The following PLCB1 variants were observed in gnomAD, a reference collection of about 807,000 sequenced individuals.
The protein encoded by PLCB1 is 1-phosphatidylinositol 4,5-bisphosphate phosphodiesterase beta-1.
In PLCB1, 46 loss-of-function variants were observed where a neutral mutation model predicts 161.8. The ratio of observed to expected loss-of-function variants is 0.28; its 90% CI spans 0.22 to 0.36. PLCB1 has a LOEUF of 0.36. Among genes scored for constraint, PLCB1 ranks in the 10% least tolerant of loss-of-function variants. PLCB1 has a pLI of 1.00. For synonymous variants in PLCB1, 517 were observed against 503.7 expected (o/e 1.03, Z -0.35); for missense variants, 1,016 against 1,472.5 (o/e 0.69, Z 5.07).
intron 31 of PLCB1, among the ~76,000 whole-genome samples, chr20:8,804,511 A>G (rs1600341624): frequency 6.6e-6 from 1 of 152,344 alleles, no homozygotes; most frequent in East Asian, 1.9e-4. Flanking sequence ...AAAGCAGAAA[A>G]AGAAAATCCC....
chr20:8,825,025 C>G (rs1985622779), intron 31 of PLCB1, among the ~76,000 whole-genome samples: 1 of 152,140 alleles, frequency 6.6e-6, no homozygotes, highest in African/African-American at 2.4e-5. Flanking sequence ...CTTCCCATCC[C>G]CAGATGCCAC....
intron 2 of PLCB1, among the ~76,000 whole-genome samples, chr20:8,247,112 C>G (rs1305671293): frequency 6.6e-6 from 1 of 151,960 alleles, no homozygotes; most frequent in Admixed American, 6.6e-5. Flanking sequence ...ACACTTCCTA[C>G]ACCTTTAGCA....
chr20:8,487,499 G>A (rs1982778359), intron 3 of PLCB1, among the ~76,000 whole-genome samples: 1 of 152,174 alleles, frequency 6.6e-6, no homozygotes, highest in African/African-American at 2.4e-5. Context: ...TGTGGTGATT[G>A]CTCAAGTGTA....
At chr20:8,712,793 C>G (rs922579352) in intron 12 of PLCB1, among the ~76,000 whole-genome samples, 6 of 152,170 alleles carry the variant, frequency 3.9e-5, no homozygotes, top group African/African-American at 1.4e-4. Context: ...GACCTCTGCC[C>G]CAGACGCTCA....
intron 16 of PLCB1, among the ~76,000 whole-genome samples, chr20:8,726,608 A>G (rs1271899361): frequency 1.3e-5 from 2 of 152,052 alleles, no homozygotes; most frequent in East Asian, 3.9e-4. Flanking sequence ...CTCTCATGAG[A>G]CTAATGCATT....
intron 3 of PLCB1, among the ~76,000 whole-genome samples, chr20:8,524,736 A>G (rs1303894478): frequency 3.3e-5 from 5 of 152,218 alleles, no homozygotes; most frequent in African/African-American, 4.8e-5. Flanking sequence ...TTTGTAAGCC[A>G]GAGTTGTTTT....
chr20:8,325,002 C>T (rs1167680297), intron 2 of PLCB1, among the ~76,000 whole-genome samples: 1 of 152,164 alleles, frequency 6.6e-6, no homozygotes, highest in Non-Finnish European at 1.5e-5. Context: ...CAGACACAAA[C>T]AGGTTTTTCG....
chr20:8,135,424 T>C (rs2051335450), intron 1 of PLCB1, among the ~76,000 whole-genome samples: 1 of 152,150 alleles, frequency 6.6e-6, no homozygotes, highest in Non-Finnish European at 1.5e-5. Context: ...CCATGCATAA[T>C]TTGCTGGCCA....
At position 8,538,437 on chromosome 20, in the gene PLCB1, C is replaced by T. The variant is rs944827527; in HGVS notation, c.247-89857C>T. ...CCATGGCTCACTGCAGGCTCAAGCTCCTGGGCTCAAATGATCCTCCCACCT... is the reference window on the plus strand; with the variant it reads ...CCATGGCTCACTGCAGGCTCAAGCTTCTGGGCTCAAATGATCCTCCCACCT... On this transcript the variant is annotated intron_variant, in intron 3 of 31. Transcript: ENST00000338037. Among the ~76,000 whole-genome samples, 14 of 152,124 alleles carry T rather than the reference C, an allele frequency of 9.2e-5. No homozygotes were observed. The South Asian group carries it at 2.7e-3, about 29-fold the overall frequency.
At chr20:8,814,031 G>C (rs1202468418) in intron 31 of PLCB1, among the ~76,000 whole-genome samples, 1 of 152,074 alleles carries the variant, frequency 6.6e-6, no homozygotes, top group African/African-American at 2.4e-5. Flanking sequence ...TACCAGAAGT[G>C]GGGTTCAGCT....
At chr20:8,304,856 G>A (rs1207314094) in intron 2 of PLCB1, among the ~76,000 whole-genome samples, 1 of 152,000 alleles carries the variant, frequency 6.6e-6, no homozygotes, top group Non-Finnish European at 1.5e-5. Flanking sequence ...TGCTCACCAG[G>A]ATCTGAATCC....
At chr20:8,657,149 A>G in intron 7 of PLCB1, 35 bp from the exon 8 acceptor site, 2 of 1,215,940 alleles carry the variant, frequency 1.6e-6, no homozygotes, top group Non-Finnish European at 2.4e-6. Context: ...GGAAGGAAAA[A>G]GACCATTTGC....
At chr20:8,701,620 C>A (rs1209620709) in intron 11 of PLCB1, among the ~76,000 whole-genome samples, 1 of 152,184 alleles carries the variant, frequency 6.6e-6, no homozygotes, top group Non-Finnish European at 1.5e-5. Flanking sequence ...TGTTTATTGT[C>A]CCTTCTACTA....
At chr20:8,201,825 A>G (rs943361163) in intron 2 of PLCB1, among the ~76,000 whole-genome samples, 7 of 152,210 alleles carry the variant, frequency 4.6e-5, no homozygotes, top group African/African-American at 1.4e-4. Flanking sequence ...ATTCTCGTTG[A>G]GAAAATTTAA....
intron 3 of PLCB1, among the ~76,000 whole-genome samples, chr20:8,537,344 T>C (rs987732321): frequency 2.0e-5 from 3 of 152,196 alleles, no homozygotes; most frequent in Non-Finnish European, 4.4e-5. Context: ...CCGAAGGTCA[T>C]ATACCAGTTA....
intron 3 of PLCB1, among the ~76,000 whole-genome samples, chr20:8,590,576 G>T (rs1267593679): frequency 1.3e-5 from 2 of 152,078 alleles, no homozygotes; most frequent in Non-Finnish European, 2.9e-5. Flanking sequence ...TGACGTAGAG[G>T]TTACTTGGCT....
At chr20:8,445,588 T>G (rs1980786579) in intron 3 of PLCB1, among the ~76,000 whole-genome samples, 3 of 152,258 alleles carry the variant, frequency 2.0e-5, no homozygotes, top group Admixed American at 2.0e-4. Flanking sequence ...GTGAAGAAAG[T>G]CATTGGTAGC....
intron 3 of PLCB1, among the ~76,000 whole-genome samples, chr20:8,435,002 T>G (rs1980234821): frequency 6.6e-6 from 1 of 152,184 alleles, no homozygotes; most frequent in African/African-American, 2.4e-5. Flanking sequence ...GTAGGAATTG[T>G]GCTGGGACCA....
chr20:8,203,819 T>C lies in PLCB1; in HGVS notation c.177+53448T>C, dbSNP rs543463057. 4.6e-5 allele frequency among the ~76,000 whole-genome samples: 7 copies of C among 152,306 alleles called. No homozygotes were observed. The South Asian group carries it at 1.0e-3, about 23-fold the overall frequency. ...TTTTTTAATACGTGCCTTAGTGTTC[T>C]TGCCCTTGAATTGGTACAACCCTGA... On this transcript the variant is annotated intron_variant, in intron 2 of 31. Transcript: ENST00000338037.
Sources: allele counts gnomAD v4.1 joint callset (sites outside exome capture counted in the v4.1 genomes callset), GRCh38; gene constraint gnomAD v4.1.1; transcripts MANE v1.5; gene names NCBI Gene and HGNC (gene_info 2026-07-23, HGNC 2026-07-21).